RNF220: variants seen among roughly 807,000 people sequenced by gnomAD.
RNF220 encodes ring finger protein 220, also known as E3 ubiquitin-protein ligase RNF220.
Under a neutral mutation model 67.1 loss-of-function variants are expected in RNF220, and 7 were observed. The observed-to-expected ratio is 0.10, with a 90% CI of 0.06 to 0.20. The LOEUF (loss-of-function observed/expected upper bound fraction) is 0.20. Ranked by LOEUF, RNF220 falls within the 10% of genes least tolerant of loss-of-function variation. The pLI is 1.00. For missense variants in RNF220, 565 were observed against 740.3 expected (o/e 0.76, Z 2.75); for synonymous variants, 270 against 283.2 (o/e 0.95, Z 0.47).
chr1:44,537,756 A>G (rs1661347595), intron 2 of RNF220, among the ~76,000 whole-genome samples: 1 of 152,212 alleles, frequency 6.6e-6, no homozygotes, highest in South Asian at 2.1e-4. Flanking sequence ...CTAGTCACCT[A>G]TCACCTGAAT....
intron 2 of RNF220, among the ~76,000 whole-genome samples, chr1:44,448,091 G>C (rs1041431475): frequency 6.6e-6 from 1 of 152,184 alleles, no homozygotes; most frequent in Non-Finnish European, 1.5e-5. Flanking sequence ...TTGAGGTCAG[G>C]AGTTTGAGAC....
chr1:44,435,047 A>C (rs1650822870), intron 2 of RNF220, among the ~76,000 whole-genome samples: 1 of 150,920 alleles, frequency 6.6e-6, no homozygotes, highest in South Asian at 2.1e-4. Context: ...AAAAAAGACG[A>C]GGAAGGAATA....
chr1:44,478,080 GC>G (rs1367512990), intron 2 of RNF220, among the ~76,000 whole-genome samples: 1 of 152,144 alleles, frequency 6.6e-6, no homozygotes, highest in Admixed American at 6.5e-5. Context: ...CTGGGTTCAA[GC>G]GATTCTCCTG....
At chr1:44,437,327 A>G (rs1019992092) in intron 2 of RNF220, among the ~76,000 whole-genome samples, 1 of 152,212 alleles carries the variant, frequency 6.6e-6, no homozygotes, top group Non-Finnish European at 1.5e-5. Context: ...AGCAATTCTG[A>G]TTGAGGCCAC....
At chr1:44,471,602 T>C (rs1654814109) in intron 2 of RNF220, among the ~76,000 whole-genome samples, 1 of 151,970 alleles carries the variant, frequency 6.6e-6, no homozygotes, top group South Asian at 2.1e-4. Flanking sequence ...GGTGGGCGGA[T>C]CACCTGAGGT....
chr1:44,615,720 C>T (rs1643517885), intron 3 of RNF220, among the ~76,000 whole-genome samples: 1 of 152,156 alleles, frequency 6.6e-6, no homozygotes, highest in African/African-American at 2.4e-5. Context: ...AAACCCAGCA[C>T]AGAGCAAAGA....
intron 2 of RNF220, among the ~76,000 whole-genome samples, chr1:44,446,317 A>G (rs1652077037): frequency 6.6e-6 from 1 of 152,232 alleles, no homozygotes; most frequent in African/African-American, 2.4e-5. Flanking sequence ...TTCATATAGA[A>G]AAGAAGCTCA....
chr1:44,424,409 A>G (rs1310382324), intron 2 of RNF220, among the ~76,000 whole-genome samples: 1 of 152,168 alleles, frequency 6.6e-6, no homozygotes, highest in African/African-American at 2.4e-5. Context: ...AATACAGCCT[A>G]AAAACTGTGT....
At chr1:44,484,746 A>G (rs1281747933) in intron 2 of RNF220, among the ~76,000 whole-genome samples, 1 of 152,190 alleles carries the variant, frequency 6.6e-6, no homozygotes, top group Admixed American at 6.5e-5. Flanking sequence ...GTAAGCACGA[A>G]TGCCCTAAGC....
In RNF220 at chr1:44,426,313, T is replaced by C. The variant is rs144579540; in HGVS notation, c.625+13591T>C. Among the ~76,000 whole-genome samples, 216 of 152,320 alleles carry C rather than the reference T, an allele frequency of 1.4e-3. 2 individuals carry two copies. Among genetic ancestry groups the C allele is most frequent in the African/African-American group, 5.0e-3 (209 of 41,572 alleles). ...CTAGGCTGCAAGAATAGCCATGCTT[T>C]ATTGGCCAGTATGACAAGATGAAGA... On this transcript the variant is annotated intron_variant, in intron 2 of 14. Coordinates refer to ENST00000361799, the MANE Select transcript of RNF220 (RefSeq NM_018150.4).
At chr1:44,453,073 C>T (rs1410898310) in intron 2 of RNF220, among the ~76,000 whole-genome samples, 3 of 151,994 alleles carry the variant, frequency 2.0e-5, no homozygotes, top group Non-Finnish European at 4.4e-5. Flanking sequence ...ATGTATTTTA[C>T]AGTTTGCTTG....
chr1:44,632,491 C>T (rs867358084), intron 6 of RNF220, 106 bp downstream of exon 6: 5 of 1,125,046 alleles, frequency 4.4e-6, no homozygotes, highest in Non-Finnish European at 3.9e-6. Context: ...CTCTGGGGCC[C>T]GTTGGCTTCT....
At chr1:44,413,630 G>C in intron 2 of RNF220, among the ~76,000 whole-genome samples, 1 of 152,190 alleles carries the variant, frequency 6.6e-6, no homozygotes, top group East Asian at 1.9e-4. Context: ...TTTTCTTCAA[G>C]CCTGGTGAGA....
At chr1:44,536,473 T>C (rs1661229867) in intron 2 of RNF220, among the ~76,000 whole-genome samples, 1 of 152,328 alleles carries the variant, frequency 6.6e-6, no homozygotes, top group Admixed American at 6.5e-5. Flanking sequence ...CAGGCCTTTA[T>C]ACTTGGAGGT....
At position 44,460,578 on chromosome 1, in the gene RNF220, G is replaced by A. The variant is rs146059887; in HGVS notation, c.625+47856G>A. Among the ~76,000 whole-genome samples the A allele has an allele frequency of 6.3e-3, 966 of 152,260 alleles. 4 individuals carry two copies. The highest frequency in any genetic ancestry group is 0.014 in the Middle Eastern group (4 of 294). On this transcript the variant is annotated intron_variant, in intron 2 of 14. Transcript: ENST00000361799. ...ATCGGAGAGTTCTTCGATCATTGAGGGTTCATTGAGGGTTCTCACAAAACT... is the reference window on the plus strand; with the variant it reads ...ATCGGAGAGTTCTTCGATCATTGAGAGTTCATTGAGGGTTCTCACAAAACT...
chr1:44,638,445 T>A (rs986224770), intron 8 of RNF220: 2 of 152,262 alleles, frequency 1.3e-5, no homozygotes, highest in Non-Finnish European at 2.9e-5. Flanking sequence ...TAAACTGCGC[T>A]GTGCGTGCTG....
intron 2 of RNF220, among the ~76,000 whole-genome samples, chr1:44,598,250 T>C (rs1418576427): frequency 3.9e-5 from 6 of 152,014 alleles, no homozygotes; most frequent in Non-Finnish European, 7.4e-5. Flanking sequence ...CCTCCCCAGG[T>C]CATGAGCAGC....
intron 2 of RNF220, among the ~76,000 whole-genome samples, chr1:44,444,027 G>T (rs1324738502): frequency 6.6e-6 from 1 of 152,148 alleles, no homozygotes; most frequent in Non-Finnish European, 1.5e-5. Context: ...GGAGGTGGAG[G>T]TTGCAGTGAG....
Position 44,583,024 on chromosome 1 carries a change from A to G in RNF220, c.626-31141A>G, listed in dbSNP as rs558081745. 2.6e-5 allele frequency among the ~76,000 whole-genome samples: 4 copies of G among 151,498 alleles called. No individual in the cohort carries two copies. The South Asian group carries it at 8.3e-4, about 31-fold the overall frequency. On this transcript the variant is annotated intron_variant, in intron 2 of 14. Coordinates refer to ENST00000361799, the MANE Select transcript of RNF220 (RefSeq NM_018150.4). ...TCCATTTCCAAAAAAGAAGAAGAAG[A>G]AGGGAGTGATCTACTGAGCTCAAGT...
Sources: gnomAD v4.1 joint callset for allele counts (sites outside exome capture counted in the v4.1 genomes callset) on GRCh38, gnomAD v4.1.1 for gene constraint, MANE v1.5 for transcripts, NCBI Gene and HGNC (gene_info 2026-07-23, HGNC 2026-07-21) for gene names.